The following NBPF12 variants were observed in gnomAD, a reference collection of about 807,000 sequenced individuals.
The protein encoded by NBPF12 is NBPF family member NBPF12.
In NBPF12, 115 loss-of-function variants were observed where a neutral mutation model predicts 146.4. That is an observed-to-expected ratio of 0.79 (90% CI 0.68 to 0.92). The LOEUF (loss-of-function observed/expected upper bound fraction) is 0.92. Ranked by LOEUF, NBPF12 falls within the 40% of genes least tolerant of loss-of-function variation. The pLI is 0.00. For missense variants in NBPF12, 1,205 were observed against 1,326.8 expected (o/e 0.91, Z 1.43); for synonymous variants, 385 against 508.9 (o/e 0.76, Z 3.28).
intron 8 of NBPF12, among the ~76,000 whole-genome samples, chr1:146,965,624 T>C (rs1262640083): frequency 3.2e-5 from 3 of 95,052 alleles, no homozygotes; most frequent in South Asian, 3.2e-4. Flanking sequence ...TTACTAAAAA[T>C]ACAAAAAAAA....
intron 2 of NBPF12, among the ~76,000 whole-genome samples, chr1:146,955,958 C>T (rs1199735297): frequency 6.6e-6 from 1 of 150,716 alleles, no homozygotes; most frequent in Admixed American, 6.6e-5. Context: ...TGTTACATTC[C>T]AGCCTTTGTA....
chr1:146,960,093 G>C lies in NBPF12; in HGVS notation c.-35-16G>C. 3.8e-6 allele frequency: 2 copies of C among 532,196 alleles called. No homozygotes were observed. The highest frequency in any genetic ancestry group is 2.9e-5 in the East Asian group (1 of 34,154). The allele number at this position is 532,196 out of a possible 1,614,324, so 33.0% of individuals were successfully genotyped here. On this transcript the variant is annotated splice_polypyrimidine_tract_variant and intron_variant, in intron 3 of 33. Transcript: ENST00000617844. ...CAGTTTTTAACCCATCATATGTTTG[G>C]GTTTCTTCTCCCCAGTCCCTGACTC...
intron 11 of NBPF12, 51 bp downstream of exon 14, chr1:146,969,647 C>T: frequency 6.5e-7 from 1 of 1,540,582 alleles, no homozygotes; most frequent in Non-Finnish European, 9.0e-7. Context: ...TTATGAGAGG[C>T]TCCAGACCTC....
intron 24 of NBPF12, among the ~76,000 whole-genome samples, chr1:146,986,840 CTTCA>C (rs1234128647): frequency 3.6e-5 from 4 of 110,078 alleles, no homozygotes; most frequent in African/African-American, 1.5e-4. Context: ...AGATTTCCTC[CTTCA>C]TTCTAATTTC....
At chr1:146,963,949 C>T (rs1452843863) in intron 6 of NBPF12, among the ~76,000 whole-genome samples, 9 of 134,044 alleles carry the variant, frequency 6.7e-5, no homozygotes, top group East Asian at 4.3e-4. Flanking sequence ...AGTCTCATGA[C>T]GAATAGAGGA....
At chr1:146,981,092 G>A (rs1294067201) in intron 19 of NBPF12, among the ~76,000 whole-genome samples, 1 of 135,538 alleles carries the variant, frequency 7.4e-6, no homozygotes, top group African/African-American at 2.8e-5. Flanking sequence ...AGAACACAAG[G>A]ACACAGGAAG....
chr1:146,968,515 G>C (rs1341066059), exon 10 of NBPF12: 3 of 1,610,664 alleles, frequency 1.9e-6, no homozygotes, highest in Non-Finnish European at 1.7e-6. Flanking sequence ...AGGAGGAGAA[G>C]CTTGCAGAGC....
At position 146,994,593 on chromosome 1, in the gene NBPF12, G is replaced by A. The variant is rs782518954; in HGVS notation, c.*18G>A. Reference sequence around the variant, plus strand: ...CACAATAAGCAGCCCTTACTAAGCCGAGAGGTTTCATTCCTGCAGGCAGGA... The same window carrying A: ...CACAATAAGCAGCCCTTACTAAGCCAAGAGGTTTCATTCCTGCAGGCAGGA... On this transcript the variant is annotated 3_prime_UTR_variant, in exon 34 of 34. Transcript: ENST00000617844. 6 of 1,596,268 alleles carry A rather than the reference G, an allele frequency of 3.8e-6. No individual in the cohort carries two copies. The Admixed American group carries it at 1.0e-4, about 27-fold the overall frequency.
chr1:146,966,648 C>T (rs1311147483), exon 9 of NBPF12: 12 of 1,470,306 alleles, frequency 8.2e-6, no homozygotes, highest in Non-Finnish European at 1.0e-5. Context: ...TGGCCGGCTT[C>T]CTGGCCAAGC....
At chr1:146,947,316 C>T (rs1487196157), upstream of NBPF12, among the ~76,000 whole-genome samples, 6 of 150,840 alleles carry the variant, frequency 4.0e-5, no homozygotes, top group Non-Finnish European at 8.8e-5. Context: ...CTTCTCTTCC[C>T]TGTGACCTGT....
exon 34 of NBPF12, chr1:146,995,956 T>C (rs1316927233): frequency 2.7e-5 from 4 of 150,598 alleles, no homozygotes; most frequent in Non-Finnish European, 5.9e-5. Context: ...CGCTGCAAAT[T>C]TTGGGTCTCA....
intron 5 of NBPF12, among the ~76,000 whole-genome samples, chr1:146,962,822 G>A (rs1283912795): frequency 4.0e-5 from 6 of 150,608 alleles, no homozygotes; most frequent in African/African-American, 1.2e-4. Flanking sequence ...ATGTCTTTTT[G>A]AAACGGAATT....
chr1:146,948,439 C>T (rs1337050495), upstream of NBPF12, among the ~76,000 whole-genome samples: 1 of 151,344 alleles, frequency 6.6e-6, no homozygotes, highest in African/African-American at 2.4e-5. Flanking sequence ...AATCTGTAAC[C>T]CTACCCCCAA....
intron 31 of NBPF12, among the ~76,000 whole-genome samples, 198 bp from the exon 35 acceptor site, chr1:146,992,509 TGTGTC>T (rs1658261051): frequency 7.1e-6 from 1 of 139,952 alleles, no homozygotes; most frequent in African/African-American, 2.7e-5. Context: ...TGTGTGTGTG[TGTGTC>T]TATCTGTCTT....
intron 5 of NBPF12, among the ~76,000 whole-genome samples, 192 bp downstream of exon 8, chr1:146,962,455 G>C (rs1655915165): frequency 1.3e-5 from 2 of 151,956 alleles, no homozygotes; most frequent in African/African-American, 2.4e-5. Context: ...TTGTTTCTTA[G>C]AGCCTTGTTT....
chr1:146,972,621 G>A (rs1656726453), intron 13 of NBPF12, 130 bp from the exon 17 acceptor site: 1 of 871,990 alleles, frequency 1.1e-6, no homozygotes, highest in African/African-American at 1.7e-5. Flanking sequence ...GAGATGACAA[G>A]GGTGAAACCA....
chr1:146,965,034 C>G lies in NBPF12; in HGVS notation c.708C>G (p.Val236=), dbSNP rs1553885426. 17 of 1,608,524 alleles carry G rather than the reference C, an allele frequency of 1.1e-5. 1 individual carries two copies. The South Asian group carries it at 1.2e-4, about 11-fold the overall frequency. The change falls in exon 8 of 34, where the codon GTC becomes GTG. Residue 236 remains valine, a synonymous_variant. Transcript: ENST00000617844. ...AAATCACATTTGAGGAAGACAAAGT[C>G]AACTCAACTGTGGTTGTAGACAGAA...
In NBPF12 at chr1:146,994,597, G is replaced by A. The variant is rs782222973; in HGVS notation, c.*22G>A. The stretch of plus-strand genomic sequence containing the variant: ...ATAAGCAGCCCTTACTAAGCCGAGA[G>A]GTTTCATTCCTGCAGGCAGGACCTA... On this transcript the variant is annotated 3_prime_UTR_variant, in exon 34 of 34. Coordinates refer to ENST00000617844, the Ensembl canonical transcript of NBPF12. The A allele has an allele frequency of 4.9e-5, 78 of 1,593,100 alleles. 2 individuals carry two copies. Among genetic ancestry groups the A allele is most frequent in the Non-Finnish European group, 6.2e-5 (73 of 1,169,272 alleles).
chr1:146,975,391 A>G (rs1429380837), intron 15 of NBPF12, among the ~76,000 whole-genome samples: 2 of 148,836 alleles, frequency 1.3e-5, no homozygotes, highest in Admixed American at 6.6e-5. Context: ...AGGAACTGAA[A>G]GGATGTCTTT....
Sources: gnomAD v4.1 joint callset for allele counts (sites outside exome capture counted in the v4.1 genomes callset) on GRCh38, gnomAD v4.1.1 for gene constraint, MANE v1.5 for transcripts, NCBI Gene and HGNC (gene_info 2026-07-23, HGNC 2026-07-21) for gene names.